USP48: variants seen among roughly 807,000 people sequenced by gnomAD.
The protein encoded by USP48 is ubiquitin specific peptidase 48.
Under a neutral mutation model 150.7 loss-of-function variants are expected in USP48, and 43 were observed. That is an observed-to-expected ratio of 0.29 (90% CI 0.22 to 0.37). The LOEUF (loss-of-function observed/expected upper bound fraction) is 0.37, where lower values mean the gene tolerates loss of function less well. USP48 is among the 10% of genes least tolerant of loss of function. The pLI, the probability that USP48 is intolerant of heterozygous loss-of-function variation, is 1.00. For synonymous variants in USP48, 396 were observed against 425.9 expected, an observed-to-expected ratio of 0.93 and a Z score of 0.86; for missense variants, 813 against 1,249.6, an observed-to-expected ratio of 0.65 and a Z score of 5.27.
At chr1:21,696,251 TA>T in intron 22 of USP48, among the ~76,000 whole-genome samples, 1 of 152,048 alleles carries the variant, frequency 6.6e-6, no homozygotes, top group South Asian at 2.1e-4. Flanking sequence ...CCAGCCTGAC[TA>T]AAATGGAGAA....
At chr1:21,781,484 C>T (rs1408933003) in intron 1 of USP48, among the ~76,000 whole-genome samples, 1 of 152,094 alleles carries the variant, frequency 6.6e-6, no homozygotes, top group Admixed American at 6.5e-5. Flanking sequence ...TGGTGGCTCA[C>T]GCCTGTAATC....
chr1:21,770,808 G>A (rs958736635), intron 1 of USP48, among the ~76,000 whole-genome samples: 1 of 151,720 alleles, frequency 6.6e-6, no homozygotes, highest in Non-Finnish European at 1.5e-5. Flanking sequence ...TATGATTTGT[G>A]TGCTTTTCTG....
chr1:21,696,684 C>A (rs2097633003), intron 22 of USP48, among the ~76,000 whole-genome samples: 1 of 152,026 alleles, frequency 6.6e-6, no homozygotes, highest in African/African-American at 2.4e-5. Flanking sequence ...GGGGAAATGT[C>A]ATGATGGCCA....
At chr1:21,771,539 A>G (rs1311892225) in intron 1 of USP48, among the ~76,000 whole-genome samples, 1 of 151,108 alleles carries the variant, frequency 6.6e-6, no homozygotes. Flanking sequence ...GTCTTGCCTT[A>G]TCAGATATTT....
intron 6 of USP48, 91 bp downstream of exon 6, chr1:21,751,416 G>T: frequency 2.1e-6 from 2 of 961,214 alleles, no homozygotes; most frequent in Non-Finnish European, 3.3e-6. Flanking sequence ...CACAATAAAA[G>T]CTCTAGCCAC....
intron 11 of USP48, among the ~76,000 whole-genome samples, chr1:21,727,152 T>C (rs898724022): frequency 6.6e-6 from 1 of 152,208 alleles, no homozygotes; most frequent in Non-Finnish European, 1.5e-5. Flanking sequence ...ATCTTTGTTT[T>C]TTTAAATATG....
intron 8 of USP48, among the ~76,000 whole-genome samples, chr1:21,745,126 C>T (rs964692679): frequency 7.2e-5 from 11 of 152,110 alleles, no homozygotes; most frequent in Middle Eastern, 3.2e-3. Context: ...TTATCTAGAA[C>T]AAATCCTATG....
At chr1:21,706,001 A>C (rs2097671210) in intron 18 of USP48, 125 bp downstream of exon 18, 2 of 1,148,602 alleles carry the variant, frequency 1.7e-6, no homozygotes, top group African/African-American at 1.6e-5. Context: ...GAAAGCTTTC[A>C]GTGTATGCTG....
chr1:21,763,837 A>G (rs1193957510), intron 1 of USP48, among the ~76,000 whole-genome samples: 1 of 147,086 alleles, frequency 6.8e-6, no homozygotes, highest in African/African-American at 2.5e-5. Context: ...GGGAGGAAGG[A>G]AGGGAGGGAG....
rs1414605030 is a variant in USP48 at position 21,751,709 on chromosome 1, T to C, written c.666-94A>G. ...TCCTAGAAAGATGGAAAAAAGCATTTATAACTTTCATTAGTTCTCCTTCAC... is the reference window on the plus strand; with the variant it reads ...TCCTAGAAAGATGGAAAAAAGCATTCATAACTTTCATTAGTTCTCCTTCAC... On this transcript the variant is annotated intron_variant, in intron 5 of 26. Transcript: ENST00000308271. 7 of 955,458 alleles carry C rather than the reference T, an allele frequency of 7.3e-6. No individual in the cohort carries two copies. The East Asian group carries it at 1.7e-4, about 24-fold the overall frequency. The allele number at this position is 955,458 out of a possible 1,614,324, so 59.2% of individuals were successfully genotyped here.
rs568191312 is a variant in USP48 at position 21,757,025 on chromosome 1, T to C, written c.256-323A>G. 4.5e-5 allele frequency: 44 copies of C among 982,140 alleles called. No homozygotes were observed. In the Admixed American group the frequency reaches 2.6e-3, roughly 59 times the overall value. 60.8% of individuals were successfully genotyped at this position (982,140 alleles called of 1,614,324 possible). ...TTTGAACAAGCGTATATAGGTTTTA[T>C]GTTTTCTGTATTTCTAAACTGCCAG... On this transcript the variant is annotated intron_variant, in intron 2 of 26. Coordinates refer to ENST00000308271, the MANE Select transcript of USP48 (RefSeq NM_032236.8).
intron 15 of USP48, among the ~76,000 whole-genome samples, chr1:21,711,094 A>G (rs528528895): frequency 2.6e-5 from 4 of 151,688 alleles, no homozygotes; most frequent in African/African-American, 9.7e-5. Context: ...GGAATTATTT[A>G]TATATATATA....
chr1:21,752,724 C>A, intron 4 of USP48, 73 bp from the exon 5 acceptor site: 2 of 1,471,326 alleles, frequency 1.4e-6, no homozygotes, highest in Non-Finnish European at 9.1e-7. Context: ...GTAATACATT[C>A]AACATTCCAG....
In USP48 at chr1:21,690,024, C is replaced by T; in HGVS notation, c.2959G>A (p.Ala987Thr). 6.2e-7 allele frequency: 1 copy of T among 1,614,072 alleles called. No individual in the cohort carries two copies. Among genetic ancestry groups the T allele is most frequent in the Non-Finnish European group, 8.5e-7 (1 of 1,180,000 alleles). ...ATGACGCCAAGGGTGCCTAGGGTGG[C>T]ACAGTCATCACTTAAAATCTTTCCA... ...IDGKILSDDC[A>T]TLGTLGVIPE... The change falls in exon 24 of 27, where the codon GCC (alanine) becomes ACC (threonine). Residue 987 changes from alanine to threonine, a missense_variant. Physicochemically the swap from Ala to Thr is moderately conservative, Grantham distance 58. Coordinates refer to ENST00000308271, the MANE Select transcript of USP48 (RefSeq NM_032236.8).
chr1:21,778,097 G>C (rs2097904516), intron 1 of USP48, among the ~76,000 whole-genome samples: 1 of 151,144 alleles, frequency 6.6e-6, no homozygotes, highest in African/African-American at 2.4e-5. Flanking sequence ...GAGCCGAGAT[G>C]GCATCACTGC....
chr1:21,707,305 C>T (rs2097675460), intron 15 of USP48, among the ~76,000 whole-genome samples: 1 of 152,180 alleles, frequency 6.6e-6, no homozygotes. Context: ...TATTGCCTCC[C>T]ATTTGACTAA....
At chr1:21,724,241 G>A in intron 11 of USP48, 146 bp from the exon 12 acceptor site, 1 of 804,334 alleles carries the variant, frequency 1.2e-6, no homozygotes, top group South Asian at 1.6e-5. Flanking sequence ...GATGTTTGAT[G>A]AGTACGACAC....
chr1:21,680,226 C>T (rs778942946), intron 26 of USP48, among the ~76,000 whole-genome samples: 1 of 152,198 alleles, frequency 6.6e-6, no homozygotes, highest in Non-Finnish European at 1.5e-5. Flanking sequence ...AGAATCAAGA[C>T]AGCAACAGGA....
At position 21,756,559 on chromosome 1, in the gene USP48, G is replaced by A; in HGVS notation, c.399C>T (p.Ile133=). 6.3e-7 allele frequency: 1 copy of A among 1,579,274 alleles called. No individual in the cohort carries two copies. Among genetic ancestry groups the A allele is most frequent in the Non-Finnish European group, 8.6e-7 (1 of 1,169,138 alleles). ...CTTTCCACCCACCTTTTTCTTCTTG[G>A]ATGCCGTCTCCCAGCATGTAGTCAC... ...TCSDYMLGDG[I]QEEKDYEPQT... Residue 133 remains isoleucine, a synonymous_variant, in exon 3 of 27, where the codon ATC becomes ATT. Coordinates refer to ENST00000308271, the MANE Select transcript of USP48 (RefSeq NM_032236.8).
Sources: gnomAD v4.1 joint callset for allele counts (sites outside exome capture counted in the v4.1 genomes callset) on GRCh38, gnomAD v4.1.1 for gene constraint, MANE v1.5 for transcripts, NCBI Gene and HGNC (gene_info 2026-07-23, HGNC 2026-07-21) for gene names.